The following ULK4 variants were observed in gnomAD, a reference collection of about 807,000 sequenced individuals.
The protein encoded by ULK4 is unc-51 like kinase 4, also known as inactive serine/threonine-protein kinase ULK4.
A neutral mutation model predicts 160.6 loss-of-function variants in ULK4; 133 were observed. The observed-to-expected ratio is 0.83, with a 90% CI of 0.72 to 0.96. The LOEUF is 0.96. Among genes scored for constraint, ULK4 ranks in the 40% least tolerant of loss-of-function variants. The pLI is 0.00. For synonymous variants in ULK4, 534 were observed against 539.8 expected (o/e 0.99, Z 0.15); for missense variants, 1,580 against 1,499.5 (o/e 1.05, Z -0.89).
chr3:41,665,455 C>T (rs569382893), intron 29 of ULK4, among the ~76,000 whole-genome samples: 2 of 152,164 alleles, frequency 1.3e-5, no homozygotes, highest in Non-Finnish European at 2.9e-5. Flanking sequence ...CCACTACACA[C>T]CATAATGTTC....
chr3:41,856,388 T>C lies in ULK4; in HGVS notation c.1657-20417A>G, dbSNP rs1246685889. 5.3e-5 allele frequency among the ~76,000 whole-genome samples: 8 copies of C among 151,010 alleles called. No homozygotes were observed. In the South Asian group the frequency reaches 1.7e-3, roughly 32 times the overall value. On this transcript the variant is annotated intron_variant, in intron 17 of 36. Transcript: ENST00000301831. ...AGAAATAATCAAACACTGTGTCTGA[T>C]GTAAAATATGGCAACCTATGGCCCC...
chr3:41,890,657 C>T (rs377468469), intron 16 of ULK4, among the ~76,000 whole-genome samples: 44 of 144,470 alleles, frequency 3.0e-4, no homozygotes, highest in African/African-American at 8.9e-4. Context: ...CCAGCCTGGG[C>T]GACAGAGCAA....
In ULK4 at chr3:41,724,785, G is replaced by A. The variant is rs574099155; in HGVS notation, c.2322-6924C>T. 1.1e-4 allele frequency among the ~76,000 whole-genome samples: 16 copies of A among 152,140 alleles called. No individual in the cohort carries two copies. The South Asian group carries it at 3.1e-3, about 30-fold the overall frequency. On this transcript the variant is annotated intron_variant, in intron 22 of 36. Coordinates refer to ENST00000301831, the MANE Select transcript of ULK4 (RefSeq NM_017886.4). ...CTTTGCCAAAACCCTACATTATCAG[G>A]CTTTTTAATCACAGCCATTCTAGTG...
intron 22 of ULK4, among the ~76,000 whole-genome samples, chr3:41,731,631 T>G (rs1232859796): frequency 6.7e-6 from 1 of 149,152 alleles, no homozygotes; most frequent in Admixed American, 6.6e-5. Flanking sequence ...AAAAAAATTC[T>G]AAATTTTTTT....
At chr3:41,622,428 T>G (rs1167560899) in intron 30 of ULK4, among the ~76,000 whole-genome samples, 2 of 151,998 alleles carry the variant, frequency 1.3e-5, no homozygotes, top group Non-Finnish European at 2.9e-5. Flanking sequence ...CCATGAAAAG[T>G]AGGAGTTTGT....
chr3:41,283,357 T>C (rs972372452), intron 35 of ULK4, among the ~76,000 whole-genome samples: 4 of 152,326 alleles, frequency 2.6e-5, no homozygotes, highest in East Asian at 3.9e-4. Context: ...CATATGTTTA[T>C]TGCCACACTA....
intron 27 of ULK4, among the ~76,000 whole-genome samples, chr3:41,691,187 T>C (rs1201885481): frequency 1.3e-5 from 2 of 151,844 alleles, no homozygotes; most frequent in African/African-American, 4.8e-5. Flanking sequence ...CTGCCTCAAG[T>C]GAGCATGTGT....
intron 19 of ULK4, among the ~76,000 whole-genome samples, chr3:41,814,661 T>C (rs1313702464): frequency 1.3e-5 from 2 of 152,136 alleles, no homozygotes; most frequent in Non-Finnish European, 2.9e-5. Flanking sequence ...CTGCTAGTTA[T>C]TAGATACATT....
chr3:41,376,925 T>C (rs528118649), intron 35 of ULK4, among the ~76,000 whole-genome samples: 2 of 150,316 alleles, frequency 1.3e-5, no homozygotes, highest in African/African-American at 4.9e-5. Flanking sequence ...AAGTCAATCC[T>C]AAGCCAAAAG....
intron 5 of ULK4, among the ~76,000 whole-genome samples, chr3:41,929,672 C>T (rs186349207): frequency 6.5e-4 from 99 of 152,240 alleles, no homozygotes; most frequent in African/African-American, 2.1e-3. Flanking sequence ...GCGAAAATCA[C>T]CAGCATTCCT....
intron 22 of ULK4, among the ~76,000 whole-genome samples, chr3:41,753,968 G>A (rs2038710818): frequency 6.6e-6 from 1 of 152,170 alleles, no homozygotes; most frequent in South Asian, 2.1e-4. Flanking sequence ...GGAAATGCCA[G>A]ACACTTAAAA....
chr3:41,421,889 A>G (rs2082672165), intron 34 of ULK4, among the ~76,000 whole-genome samples: 1 of 152,178 alleles, frequency 6.6e-6, no homozygotes, highest in African/African-American at 2.4e-5. Context: ...GCTTGACAAC[A>G]TTCTAATTAA....
At chr3:41,467,756 A>G (rs2083872305) in intron 32 of ULK4, among the ~76,000 whole-genome samples, 1 of 152,222 alleles carries the variant, frequency 6.6e-6, no homozygotes, top group Admixed American at 6.5e-5. Flanking sequence ...TTAAGGTTCT[A>G]AAGAAAACTT....
intron 31 of ULK4, among the ~76,000 whole-genome samples, chr3:41,570,747 G>A (rs1024435668): frequency 3.3e-5 from 5 of 152,066 alleles, no homozygotes; most frequent in Admixed American, 6.6e-5. Flanking sequence ...GTTGATATAG[G>A]TACTTCCTTC....
At chr3:41,659,222 G>C (rs1435762871) in intron 30 of ULK4, among the ~76,000 whole-genome samples, 1 of 152,132 alleles carries the variant, frequency 6.6e-6, no homozygotes, top group Non-Finnish European at 1.5e-5. Context: ...TGTTGGATCT[G>C]GTTTACCAAA....
chr3:41,579,412 G>A (rs1175603587), intron 31 of ULK4, among the ~76,000 whole-genome samples: 5 of 151,260 alleles, frequency 3.3e-5, no homozygotes, highest in African/African-American at 7.3e-5. Flanking sequence ...AGAATACAAC[G>A]CCAGTTCCAC....
intron 30 of ULK4, among the ~76,000 whole-genome samples, chr3:41,658,085 G>C (rs548466665): frequency 1.3e-5 from 2 of 152,188 alleles, no homozygotes; most frequent in African/African-American, 4.8e-5. Flanking sequence ...TAATATCAAA[G>C]ACTTAATCGT....
At chr3:41,505,647 G>C (rs7610442) in intron 32 of ULK4, among the ~76,000 whole-genome samples, 8,004 of 152,020 alleles carry the variant, frequency 0.053, 669 homozygotes, top group African/African-American at 0.18. Flanking sequence ...TATAGCAATT[G>C]ATTTTTTTAT....
At position 41,269,082 on chromosome 3, in the gene ULK4, C is replaced by T. The variant is rs143344306; in HGVS notation, c.3679-19508G>A. ...GTAGTTCTTTTCCCCATATGATCCA[C>T]TTGAGTGAGAATTTGAAACAAGCTT... On this transcript the variant is annotated intron_variant, in intron 35 of 36. Transcript: ENST00000301831. 2.4e-3 allele frequency among the ~76,000 whole-genome samples: 362 copies of T among 152,222 alleles called. 1 individual carries two copies. The highest frequency in any genetic ancestry group is 4.2e-3 in the Non-Finnish European group (289 of 68,018).
Sources: gnomAD v4.1 joint callset for allele counts (sites outside exome capture counted in the v4.1 genomes callset) on GRCh38, gnomAD v4.1.1 for gene constraint, MANE v1.5 for transcripts, NCBI Gene and HGNC (gene_info 2026-07-23, HGNC 2026-07-21) for gene names.